ROBO2: variants seen among roughly 807,000 people sequenced by gnomAD.
ROBO2 encodes roundabout guidance receptor 2.
In ROBO2, 53 loss-of-function variants were observed where a neutral mutation model predicts 160.8. The observed-to-expected ratio is 0.33, with a 90% CI of 0.26 to 0.41. ROBO2 has a LOEUF of 0.41. ROBO2 is among the 10% of genes least tolerant of loss of function. The pLI is 1.00. For missense variants in ROBO2, 1,577 were observed against 1,722.4 expected, an observed-to-expected ratio of 0.92 and a Z score of 1.49; for synonymous variants, 664 against 611.7, an observed-to-expected ratio of 1.09 and a Z score of -1.26.
chr3:76,635,353 A>G (rs1450032343), intron 2 of ROBO2, among the ~76,000 whole-genome samples: 1 of 151,966 alleles, frequency 6.6e-6, no homozygotes, highest in African/African-American at 2.4e-5. Flanking sequence ...GTTGCATAAA[A>G]CTCACAACTT....
chr3:76,754,744 A>G (rs1239952030), intron 2 of ROBO2, among the ~76,000 whole-genome samples: 1 of 151,868 alleles, frequency 6.6e-6, no homozygotes, highest in Non-Finnish European at 1.5e-5. Flanking sequence ...GAGATAGCTG[A>G]ATTTGAGACT....
At chr3:75,915,053 T>A (rs183163843) in intron 1 of ROBO2, among the ~76,000 whole-genome samples, 2 of 152,340 alleles carry the variant, frequency 1.3e-5, no homozygotes, top group Non-Finnish European at 2.9e-5. Context: ...GTCTTTCTCT[T>A]GTCGCTTGTG....
chr3:76,742,821 T>C (rs779429856), intron 2 of ROBO2, among the ~76,000 whole-genome samples: 18 of 119,280 alleles, frequency 1.5e-4, no homozygotes, highest in Admixed American at 3.0e-4. Flanking sequence ...CACACACATA[T>C]TCACACATAC....
intron 2 of ROBO2, among the ~76,000 whole-genome samples, chr3:77,202,430 A>G (rs1177891110): frequency 6.6e-6 from 1 of 152,174 alleles, no homozygotes; most frequent in Non-Finnish European, 1.5e-5. Context: ...TGATATAGTA[A>G]CAACTACTAG....
chr3:76,941,163 A>ATT (rs59004799), intron 2 of ROBO2, among the ~76,000 whole-genome samples: 2 of 151,760 alleles, frequency 1.3e-5, no homozygotes, highest in African/African-American at 4.8e-5. Context: ...AAATGATTGC[A>ATT]TTTTTTTTGA....
intron 2 of ROBO2, among the ~76,000 whole-genome samples, chr3:76,214,841 T>A (rs1247176474): frequency 6.6e-6 from 1 of 152,208 alleles, no homozygotes; most frequent in African/African-American, 2.4e-5. Context: ...CAGCTGGAGA[T>A]CTGAGAACGG....
At chr3:76,993,637 C>G (rs143215826) in intron 2 of ROBO2, among the ~76,000 whole-genome samples, 1 of 152,032 alleles carries the variant, frequency 6.6e-6, no homozygotes, top group African/African-American at 2.4e-5. Context: ...TCCATCCTAA[C>G]GGCTCTACTC....
At chr3:76,706,041 C>T (rs1248904595) in intron 2 of ROBO2, among the ~76,000 whole-genome samples, 1 of 151,948 alleles carries the variant, frequency 6.6e-6, no homozygotes, top group African/African-American at 2.4e-5. Context: ...ACAGTGTAAA[C>T]ATATGTTAAG....
chr3:77,099,225 C>T (rs1386085475), intron 2 of ROBO2, among the ~76,000 whole-genome samples: 1 of 151,908 alleles, frequency 6.6e-6, no homozygotes, highest in Non-Finnish European at 1.5e-5. Flanking sequence ...ACACCAGGCC[C>T]AGCTAATTTT....
chr3:76,382,409 G>A (rs1227711592), intron 2 of ROBO2, among the ~76,000 whole-genome samples: 7 of 152,042 alleles, frequency 4.6e-5, no homozygotes, highest in African/African-American at 1.7e-4. Context: ...TAACACGGTG[G>A]AACCCCGTCT....
intron 2 of ROBO2, among the ~76,000 whole-genome samples, chr3:77,475,953 A>C (rs781368892): frequency 6.6e-6 from 1 of 152,208 alleles, no homozygotes; most frequent in Non-Finnish European, 1.5e-5. Flanking sequence ...TGAAATCAGT[A>C]AATTAATCAG....
At chr3:76,349,289 T>C (rs1175641557) in intron 2 of ROBO2, among the ~76,000 whole-genome samples, 1 of 152,150 alleles carries the variant, frequency 6.6e-6, no homozygotes, top group Non-Finnish European at 1.5e-5. Context: ...TAGTTTGTTT[T>C]ATATACTCCT....
chr3:76,196,079 G>C (rs755539940), intron 2 of ROBO2, among the ~76,000 whole-genome samples: 5 of 152,120 alleles, frequency 3.3e-5, no homozygotes, highest in Non-Finnish European at 5.9e-5. Context: ...GTACATCAGT[G>C]CCTTTTCCTG....
intron 2 of ROBO2, among the ~76,000 whole-genome samples, chr3:76,114,576 T>G (rs2070378967): frequency 6.6e-6 from 1 of 152,110 alleles, no homozygotes; most frequent in African/African-American, 2.4e-5. Flanking sequence ...TATCATTATC[T>G]TTAAAGATGA....
At chr3:76,320,598 C>A (rs1006117770) in intron 2 of ROBO2, among the ~76,000 whole-genome samples, 3 of 152,178 alleles carry the variant, frequency 2.0e-5, no homozygotes, top group African/African-American at 4.8e-5. Flanking sequence ...TAATAGTTGG[C>A]AGCTAATAAA....
intron 2 of ROBO2, among the ~76,000 whole-genome samples, chr3:76,934,216 A>T (rs868576768): frequency 0.037 from 5,638 of 151,988 alleles, 348 homozygotes; most frequent in African/African-American, 0.13. Context: ...AATAGAAAAA[A>T]AAAAAAGATT....
intron 2 of ROBO2, among the ~76,000 whole-genome samples, chr3:76,956,917 C>T (rs1393297704): frequency 1.3e-5 from 2 of 152,046 alleles, no homozygotes; most frequent in African/African-American, 2.4e-5. Context: ...CTTGTCTAAA[C>T]TCATCTAATA....
intron 2 of ROBO2, among the ~76,000 whole-genome samples, chr3:76,617,132 T>C (rs1431768300): frequency 2.0e-5 from 3 of 152,042 alleles, no homozygotes; most frequent in Admixed American, 6.6e-5. Flanking sequence ...ACTAGCGTGG[T>C]CCAAAGCCCC....
At chr3:75,999,988 A>T (rs1190878771) in intron 2 of ROBO2, among the ~76,000 whole-genome samples, 1 of 152,214 alleles carries the variant, frequency 6.6e-6, no homozygotes, top group African/African-American at 2.4e-5. Flanking sequence ...AAATATTTAT[A>T]AGCAAATATG....
Sources: gnomAD v4.1 joint callset for allele counts (sites outside exome capture counted in the v4.1 genomes callset) on GRCh38, gnomAD v4.1.1 for gene constraint, MANE v1.5 for transcripts, NCBI Gene and HGNC (gene_info 2026-07-23, HGNC 2026-07-21) for gene names.